HIGD1C: variants seen among roughly 807,000 people sequenced by gnomAD.
HIGD1C encodes HIG1 hypoxia inducible domain family member 1C.
A neutral mutation model predicts 13.1 loss-of-function variants in HIGD1C; 11 were observed. That is an observed-to-expected ratio of 0.84 (90% CI 0.53 to 1.39). The LOEUF (loss-of-function observed/expected upper bound fraction) is 1.39. Among genes scored for constraint, HIGD1C ranks in the 40% most tolerant of loss-of-function variants. The probability of loss-of-function intolerance (pLI) is 0.00; values close to 1 mark genes in which losing one functional copy is unlikely to be tolerated. For synonymous variants in HIGD1C, 36 were observed against 37.7 expected (o/e 0.95, Z 0.17); for missense variants, 110 against 112.0 (o/e 0.98, Z 0.08).
downstream of HIGD1C, among the ~76,000 whole-genome samples, chr12:50,972,382 A>G (rs1939784335): frequency 6.6e-6 from 1 of 152,244 alleles, no homozygotes; most frequent in Non-Finnish European, 1.5e-5. Flanking sequence ...TCTATGCATG[A>G]GAACCTACAA....
downstream of HIGD1C, among the ~76,000 whole-genome samples, chr12:50,970,745 A>T (rs781055574): frequency 2.6e-5 from 4 of 152,184 alleles, no homozygotes; most frequent in Admixed American, 6.5e-5. Context: ...TTCTGACTTA[A>T]TTTTTTCAAA....
the HIGD1C span, among the ~76,000 whole-genome samples, chr12:50,947,643 G>C: frequency 1.3e-5 from 2 of 152,136 alleles, no homozygotes; most frequent in Non-Finnish European, 2.9e-5. Flanking sequence ...GCCATGTAAT[G>C]TAACACATTC....
downstream of HIGD1C, among the ~76,000 whole-genome samples, chr12:50,971,570 G>A (rs1939762159): frequency 6.6e-6 from 1 of 152,116 alleles, no homozygotes; most frequent in African/African-American, 2.4e-5. Context: ...AGATGTTAAA[G>A]GTTAAGTTTA....
the HIGD1C span, among the ~76,000 whole-genome samples, chr12:50,947,494 G>C: frequency 6.6e-6 from 1 of 152,046 alleles, no homozygotes; most frequent in African/African-American, 2.4e-5. Flanking sequence ...AACCTGACTT[G>C]ATTCTCCTAC....
At chr12:50,943,658 C>T in the HIGD1C span, among the ~76,000 whole-genome samples, 1 of 151,430 alleles carries the variant, frequency 6.6e-6, no homozygotes, top group African/African-American at 2.4e-5. Context: ...TGCAGTGAGC[C>T]GAGATCGCGC....
At chr12:50,971,144 T>G (rs551110236), downstream of HIGD1C, among the ~76,000 whole-genome samples, 1 of 152,296 alleles carries the variant, frequency 6.6e-6, no homozygotes, top group African/African-American at 2.4e-5. Flanking sequence ...CTTCCCAAAG[T>G]GCTGGGATTA....
At chr12:50,945,111 AC>A in the HIGD1C span, among the ~76,000 whole-genome samples, 1 of 152,114 alleles carries the variant, frequency 6.6e-6, no homozygotes, top group Non-Finnish European at 1.5e-5. Context: ...TTTATGACAA[AC>A]CCACAGCCAA....
chr12:50,966,503 C>T (rs533003442), intron 2 of HIGD1C, among the ~76,000 whole-genome samples: 7 of 152,184 alleles, frequency 4.6e-5, no homozygotes, highest in Non-Finnish European at 8.8e-5. Context: ...CAGTAGAACT[C>T]CTTCCCACCT....
At chr12:50,971,366 T>G (rs978373327), downstream of HIGD1C, among the ~76,000 whole-genome samples, 1 of 150,962 alleles carries the variant, frequency 6.6e-6, no homozygotes, top group East Asian at 1.9e-4. Flanking sequence ...ATACAGAAAC[T>G]TGACTATTTT....
the HIGD1C span, among the ~76,000 whole-genome samples, chr12:50,947,729 C>T: frequency 4.6e-5 from 7 of 152,270 alleles, no homozygotes; most frequent in East Asian, 1.9e-4. Context: ...GCCACATCAG[C>T]GAAACCAGCA....
chr12:50,956,388 T>C (rs1316673109), intron 1 of HIGD1C, among the ~76,000 whole-genome samples: 1 of 152,152 alleles, frequency 6.6e-6, no homozygotes, highest in East Asian at 1.9e-4. Flanking sequence ...CGAGACTCCA[T>C]CTTAGAAAAA....
intron 2 of HIGD1C, among the ~76,000 whole-genome samples, chr12:50,963,563 G>A (rs12318464): frequency 0.18 from 27,783 of 151,776 alleles, 2,905 homozygotes; most frequent in East Asian, 0.5. Flanking sequence ...TTCATCCTGG[G>A]GCTAAACATG....
chr12:50,940,713 A>T, the HIGD1C span, among the ~76,000 whole-genome samples: 4 of 138,132 alleles, frequency 2.9e-5, no homozygotes, highest in Non-Finnish European at 4.7e-5. Context: ...ACAGAGTGAG[A>T]CCCCATCTCA....
chr12:50,941,556 A>G, the HIGD1C span, among the ~76,000 whole-genome samples: 1 of 152,188 alleles, frequency 6.6e-6, no homozygotes, highest in Non-Finnish European at 1.5e-5. Flanking sequence ...GGTCATCAAC[A>G]ACCTTGAGAA....
intron 1 of HIGD1C, among the ~76,000 whole-genome samples, chr12:50,959,179 G>A (rs942854466): frequency 3.3e-5 from 5 of 151,732 alleles, no homozygotes; most frequent in Non-Finnish European, 5.9e-5. Flanking sequence ...GAGTGCAATG[G>A]TGCAATCTCA....
the HIGD1C span, among the ~76,000 whole-genome samples, chr12:50,946,902 G>T: frequency 2.0e-5 from 3 of 152,024 alleles, no homozygotes; most frequent in Non-Finnish European, 4.4e-5. Flanking sequence ...AGAACTTAAA[G>T]TATAATAAAA....
At chr12:50,953,268 C>T (rs1467281415), upstream of HIGD1C, among the ~76,000 whole-genome samples, 1 of 152,220 alleles carries the variant, frequency 6.6e-6, no homozygotes, top group Non-Finnish European at 1.5e-5. Flanking sequence ...AGGTATTGTG[C>T]TTCTTACGCT....
At chr12:50,954,169 A>C in intron 1 of HIGD1C, 77 bp downstream of exon 3, 1 of 847,796 alleles carries the variant, frequency 1.2e-6, no homozygotes, top group South Asian at 1.6e-5. Context: ...TGCGGATTGA[A>C]ATGTTTCTTA....
At chr12:50,936,023 G>A in the HIGD1C span, among the ~76,000 whole-genome samples, 2 of 151,996 alleles carry the variant, frequency 1.3e-5, no homozygotes, top group Non-Finnish European at 2.9e-5. Context: ...GCCGGGCGTG[G>A]TGGAGGCCAC....
Sources: gnomAD v4.1 joint callset for allele counts (sites outside exome capture counted in the v4.1 genomes callset) on GRCh38, gnomAD v4.1.1 for gene constraint, MANE v1.5 for transcripts, NCBI Gene and HGNC (gene_info 2026-07-23, HGNC 2026-07-21) for gene names.